The following CARMIL1 variants were observed in gnomAD, a reference collection of about 807,000 sequenced individuals.
The protein encoded by CARMIL1 is F-actin-uncapping protein LRRC16A.
CARMIL1 carries 90 observed loss-of-function variants against 177.1 expected under a neutral mutation model. The ratio of observed to expected loss-of-function variants is 0.51; its 90% CI spans 0.43 to 0.61. CARMIL1 has a LOEUF of 0.61. Ranked by LOEUF, CARMIL1 falls within the 20% of genes least tolerant of loss-of-function variation. CARMIL1 has a pLI of 0.00. For synonymous variants in CARMIL1, 577 were observed against 606.2 expected, an observed-to-expected ratio of 0.95 and a Z score of 0.71; for missense variants, 1,380 against 1,667.0, an observed-to-expected ratio of 0.83 and a Z score of 3.00.
intron 26 of CARMIL1, among the ~76,000 whole-genome samples, chr6:25,549,628 C>T (rs1304030893): frequency 6.6e-6 from 1 of 152,174 alleles, no homozygotes; most frequent in Non-Finnish European, 1.5e-5. Flanking sequence ...TCCTTGTAAA[C>T]AGCCTGCTAC....
intron 8 of CARMIL1, among the ~76,000 whole-genome samples, chr6:25,461,845 C>G (rs1159516972): frequency 6.6e-6 from 1 of 152,014 alleles, no homozygotes; most frequent in Non-Finnish European, 1.5e-5. Context: ...TTGGTATTGT[C>G]AGGTTTTTTT....
intron 2 of CARMIL1, among the ~76,000 whole-genome samples, chr6:25,294,000 G>A (rs1053026870): frequency 6.6e-6 from 1 of 152,240 alleles, no homozygotes; most frequent in Non-Finnish European, 1.5e-5. Flanking sequence ...GGAATTATGG[G>A]TGTGAACCAC....
At chr6:25,435,716 C>A (rs2150767377) in intron 5 of CARMIL1, 112 bp downstream of exon 5, 1 of 1,231,108 alleles carries the variant, frequency 8.1e-7, no homozygotes, top group Middle Eastern at 2.6e-4. Context: ...CTCAGACTTC[C>A]TTCTCCTCTT....
chr6:25,483,953 G>A (rs771070507), intron 12 of CARMIL1, among the ~76,000 whole-genome samples: 3 of 151,944 alleles, frequency 2.0e-5, no homozygotes, highest in Non-Finnish European at 4.4e-5. Context: ...TAGAGACAGA[G>A]TTTCCATGTT....
intron 4 of CARMIL1, among the ~76,000 whole-genome samples, chr6:25,431,263 AGTGTGTGTGTGT>A (rs71717418): frequency 1.3e-5 from 2 of 148,712 alleles, no homozygotes; most frequent in Non-Finnish European, 3.0e-5. Flanking sequence ...CTACAAAGAA[AGTGTGTGTGTGT>A]GTGTGTGTGT....
rs557732672 is a variant in CARMIL1 at position 25,500,953 on chromosome 6, G to A, written c.1395+718G>A. ...TTTTTTTTGTATTTTTAGTAGAGAC[G>A]GGGTTTCACTGTGTTAGCCAGGATG... On this transcript the variant is annotated intron_variant, in intron 17 of 36. Transcript: ENST00000329474. Among the ~76,000 whole-genome samples, 8 of 151,648 alleles carry A rather than the reference G, an allele frequency of 5.3e-5. No homozygotes were observed. In the South Asian group the frequency reaches 6.3e-4, roughly 12 times the overall value.
intron 29 of CARMIL1, among the ~76,000 whole-genome samples, chr6:25,575,162 C>T (rs550202925): frequency 1.3e-5 from 2 of 152,298 alleles, no homozygotes; most frequent in Admixed American, 1.3e-4. Context: ...GATGCCAAAG[C>T]CATGAGCATG....
chr6:25,562,802 A>T (rs1219784997), intron 29 of CARMIL1, among the ~76,000 whole-genome samples: 1 of 152,178 alleles, frequency 6.6e-6, no homozygotes, highest in Non-Finnish European at 1.5e-5. Context: ...TCAAACATGA[A>T]CCAATTGTGA....
chr6:25,488,356 A>G (rs1261193720), intron 12 of CARMIL1, 126 bp from the exon 13 acceptor site: 1 of 751,786 alleles, frequency 1.3e-6, no homozygotes, highest in African/African-American at 1.7e-5. Context: ...GCCACCTTTC[A>G]GGGACAGTGC....
intron 1 of CARMIL1, among the ~76,000 whole-genome samples, chr6:25,282,196 T>C (rs967863196): frequency 3.9e-5 from 6 of 151,922 alleles, no homozygotes; most frequent in Non-Finnish European, 8.8e-5. Context: ...GAAGACTATA[T>C]GTCACTCCTG....
intron 28 of CARMIL1, 94 bp from the exon 29 acceptor site, chr6:25,556,607 C>A (rs1176073686): frequency 7.5e-6 from 9 of 1,202,214 alleles, no homozygotes; most frequent in Non-Finnish European, 1.0e-5. Context: ...TTGTGCTCCA[C>A]TGCGCCATCT....
chr6:25,418,323 C>T (rs547257871), intron 2 of CARMIL1, among the ~76,000 whole-genome samples: 7 of 152,246 alleles, frequency 4.6e-5, no homozygotes, highest in South Asian at 2.1e-4. Flanking sequence ...GACCTTGAAA[C>T]GAGTTCATCA....
chr6:25,451,990 C>CA, intron 8 of CARMIL1: 1 of 60,996 alleles, frequency 1.6e-5, no homozygotes. Flanking sequence ...CATCTTGCCC[C>CA]CCCCTCCCCC....
chr6:25,618,842 T>G lies in CARMIL1; in HGVS notation c.3980-605T>G, dbSNP rs560076756. Among the ~76,000 whole-genome samples the G allele has an allele frequency of 1.2e-4, 18 of 152,328 alleles. 1 individual carries two copies. The highest frequency in any genetic ancestry group is 2.5e-4 in the Non-Finnish European group (17 of 68,022). On this transcript the variant is annotated intron_variant, in intron 36 of 36. Transcript: ENST00000329474. ...ATGGTTGAATGTGTCATAGGCAGTATTTAATGCTTTTTCACTAGACTTTAA... is the reference window on the plus strand; with the variant it reads ...ATGGTTGAATGTGTCATAGGCAGTAGTTAATGCTTTTTCACTAGACTTTAA...
intron 2 of CARMIL1, among the ~76,000 whole-genome samples, chr6:25,311,405 G>A (rs1321549637): frequency 6.6e-6 from 1 of 152,148 alleles, no homozygotes; most frequent in Admixed American, 6.5e-5. Flanking sequence ...TCACTGACTG[G>A]CTAAGCAGAG....
intron 2 of CARMIL1, among the ~76,000 whole-genome samples, chr6:25,362,441 G>A (rs1789316242): frequency 1.3e-5 from 2 of 152,148 alleles, no homozygotes; most frequent in African/African-American, 2.4e-5. Flanking sequence ...TTGGGAGGCC[G>A]AGGTGGGTGG....
chr6:25,302,247 A>C (rs1330001290), intron 2 of CARMIL1, among the ~76,000 whole-genome samples: 3 of 152,168 alleles, frequency 2.0e-5, no homozygotes, highest in Non-Finnish European at 2.9e-5. Flanking sequence ...CCATGCAGCA[A>C]ATCCACTGGA....
intron 8 of CARMIL1, among the ~76,000 whole-genome samples, chr6:25,465,071 C>CAAAAAAAA (rs558022196): frequency 4.5e-4 from 28 of 61,946 alleles, no homozygotes; most frequent in South Asian, 5.6e-4. Context: ...AGAACTAAAG[C>CAAAAAAAA]AAAAAAAAAA....
intron 1 of CARMIL1, among the ~76,000 whole-genome samples, chr6:25,284,383 G>A (rs982178052): frequency 6.6e-6 from 1 of 152,240 alleles, no homozygotes; most frequent in Admixed American, 6.5e-5. Context: ...ATACTTGATG[G>A]GTGATAACCA....
Sources: gnomAD v4.1 joint callset for allele counts (sites outside exome capture counted in the v4.1 genomes callset) on GRCh38, gnomAD v4.1.1 for gene constraint, MANE v1.5 for transcripts, NCBI Gene and HGNC (gene_info 2026-07-23, HGNC 2026-07-21) for gene names.